PITRM1: variants seen among roughly 807,000 people sequenced by gnomAD.
The protein encoded by PITRM1 is pitrilysin metallopeptidase 1, also known as presequence protease, mitochondrial.
A neutral mutation model predicts 129.9 loss-of-function variants in PITRM1; 100 were observed. That is an observed-to-expected ratio of 0.77 (90% CI 0.65 to 0.91). The LOEUF (loss-of-function observed/expected upper bound fraction) is 0.91. Among genes scored for constraint, PITRM1 ranks in the 40% least tolerant of loss-of-function variants. The pLI is 0.00. For missense variants in PITRM1, 1,471 were observed against 1,318.3 expected (o/e 1.12, Z -1.79); for synonymous variants, 591 against 508.8 (o/e 1.16, Z -2.17).
In PITRM1 at chr10:3,155,481, G is replaced by A. The variant is rs191849458; in HGVS notation, c.1621+110C>T. 1.1e-4 allele frequency: 150 copies of A among 1,362,588 alleles called. 1 individual carries two copies. Among genetic ancestry groups the A allele is most frequent in the African/African-American group, 1.1e-3 (74 of 69,756 alleles). The allele number at this position is 1,362,588 out of a possible 1,614,324, so 84.4% of individuals were successfully genotyped here. On this transcript the variant is annotated intron_variant, in intron 14 of 26. Coordinates refer to ENST00000224949, the MANE Select transcript of PITRM1 (RefSeq NM_014889.4). ...AACGTGAGCTCTGTTGGCGCCCAGC[G>A]GACACCTGTTGGTTGAAATAATACC...
intron 14 of PITRM1, among the ~76,000 whole-genome samples, chr10:3,153,635 A>C (rs1166486800): frequency 3.3e-5 from 5 of 152,070 alleles, no homozygotes; most frequent in Admixed American, 6.5e-5. Flanking sequence ...AAAACCAAAA[A>C]AACAACAAAA....
At chr10:3,145,879 T>G (rs3758630) in intron 20 of PITRM1, 163 bp from the exon 21 acceptor site, 415,600 of 620,356 alleles carry the variant, frequency 0.67, 140,214 homozygotes, top group Non-Finnish European at 0.7. Context: ...TCCCTGCTCT[T>G]CAGTGCTTCA....
intron 23 of PITRM1, among the ~76,000 whole-genome samples, chr10:3,142,770 A>C (rs1840385986): frequency 6.6e-6 from 1 of 152,096 alleles, no homozygotes; most frequent in Non-Finnish European, 1.5e-5. Context: ...GAGACAGGGG[A>C]GACAAACTCC....
At chr10:3,154,592 T>C (rs565853122) in intron 14 of PITRM1, among the ~76,000 whole-genome samples, 113 of 152,372 alleles carry the variant, frequency 7.4e-4, no homozygotes, top group African/African-American at 2.5e-3. Context: ...TTATTTCCCA[T>C]GTAATGATTT....
intron 15 of PITRM1, among the ~76,000 whole-genome samples, chr10:3,150,250 G>C (rs983847316): frequency 6.9e-6 from 1 of 143,932 alleles, no homozygotes; most frequent in Non-Finnish European, 1.6e-5. Flanking sequence ...TCCCTACCTA[G>C]CAGAGCACCC....
intron 14 of PITRM1, among the ~76,000 whole-genome samples, chr10:3,152,631 G>A (rs7901552): frequency 0.61 from 93,526 of 152,140 alleles, 29,106 homozygotes; most frequent in Non-Finnish European, 0.67. Context: ...CCAATGGCAC[G>A]GAGCTCAGAC....
chr10:3,158,059 TTCTG>T lies in PITRM1; in HGVS notation c.1227_1230del (p.Asp409GlufsTer6), dbSNP rs749106699. On this transcript the variant is annotated frameshift_variant, in exon 11 of 27. Coordinates refer to ENST00000224949, the MANE Select transcript of PITRM1 (RefSeq NM_014889.4). LOFTEE classifies it high-confidence loss of function. ...ACTCACTCAACTACTTCATCAATCGTTCTGTCTATGAGGCTTCTGACGGTCTCAA... is the reference window on the plus strand; with the variant it reads ...ACTCACTCAACTACTTCATCAATCGTTCTATGAGGCTTCTGACGGTCTCAA... 17 of 1,605,022 alleles carry T rather than the reference TTCTG, an allele frequency of 1.1e-5. No homozygotes were observed. Among genetic ancestry groups the T allele is most frequent in the East Asian group, 4.5e-5 (2 of 44,878 alleles).
In PITRM1 at chr10:3,166,386, G is replaced by A. The variant is rs1842864076; in HGVS notation, c.267-6C>T. 6.7e-7 allele frequency: 1 copy of A among 1,499,272 alleles called. No homozygotes were observed. The highest frequency in any genetic ancestry group is 1.4e-5 in the African/African-American group (1 of 72,706). 92.9% of individuals were successfully genotyped at this position (1,499,272 alleles called of 1,614,324 possible). On this transcript the variant is annotated splice_polypyrimidine_tract_variant and splice_region_variant and intron_variant, in intron 3 of 26. Coordinates refer to ENST00000224949, the MANE Select transcript of PITRM1 (RefSeq NM_014889.4). Reference sequence around the variant, plus strand: ...GAGTAGTACGGAACTGCACGCTAGGGAAGGAGAATGACCAGAACGCAAAAG... The same window carrying A: ...GAGTAGTACGGAACTGCACGCTAGGAAAGGAGAATGACCAGAACGCAAAAG...
In PITRM1 at chr10:3,165,296, T is replaced by A. The variant is rs779987207; in HGVS notation, c.572A>T (p.Asp191Val). 5 of 1,585,640 alleles carry A rather than the reference T, an allele frequency of 3.2e-6. No individual in the cohort carries two copies. In the South Asian group the frequency reaches 5.8e-5, roughly 18 times the overall value. Reference protein sequence around the residue: ...GWRLEHENPSDPQTPLVFKGV... With the variant: ...GWRLEHENPSVPQTPLVFKGV... The stretch of plus-strand genomic sequence containing the variant: ...TTTAAAGACCAAGGGCGTCTGGGGG[T>A]CGCTCGGATTCTCATGTTCCAGCCG... Residue 191 changes from aspartate to valine, a missense_variant, in exon 6 of 27, where the codon GAC (aspartate) becomes GTC (valine). By Grantham distance (152) the Asp-to-Val change is radical. Coordinates refer to ENST00000224949, the MANE Select transcript of PITRM1 (RefSeq NM_014889.4).
intron 7 of PITRM1, among the ~76,000 whole-genome samples, chr10:3,162,109 G>A (rs1842490043): frequency 7.0e-6 from 1 of 143,778 alleles, no homozygotes; most frequent in Non-Finnish European, 1.5e-5. Context: ...AGTAAGACAA[G>A]ATCATGCCAC....
chr10:3,148,371 C>A (rs1162427854), intron 16 of PITRM1, 80 bp from the exon 17 acceptor site: 2 of 1,501,410 alleles, frequency 1.3e-6, no homozygotes, highest in Non-Finnish European at 1.8e-6. Flanking sequence ...TCTTGAGTTA[C>A]AAGTTGCTTC....
At chr10:3,143,081 G>T in intron 23 of PITRM1, 2 of 294,118 alleles carry the variant, frequency 6.8e-6, no homozygotes, top group South Asian at 5.9e-5. Context: ...TTTTTACCTA[G>T]AGATGAGGTG....
intron 7 of PITRM1, among the ~76,000 whole-genome samples, chr10:3,161,259 A>C (rs1343495455): frequency 6.6e-6 from 1 of 152,214 alleles, no homozygotes; most frequent in Non-Finnish European, 1.5e-5. Context: ...ATTTGTTAAA[A>C]CACTTTATAA....
chr10:3,149,405 A>T (rs1386130909), intron 16 of PITRM1: 3 of 429,912 alleles, frequency 7.0e-6, no homozygotes, highest in African/African-American at 6.2e-5. Flanking sequence ...GTATCTCCTT[A>T]TATTATACCG....
chr10:3,144,280 T>A lies in PITRM1; in HGVS notation c.2532+12A>T, dbSNP rs368526858. The A allele has an allele frequency of 3.9e-6, 6 of 1,528,238 alleles. No individual in the cohort carries two copies. Among genetic ancestry groups the A allele is most frequent in the Non-Finnish European group, 4.4e-6 (5 of 1,125,142 alleles). The allele number at this position is 1,528,238 out of a possible 1,614,324, so 94.7% of individuals were successfully genotyped here. On this transcript the variant is annotated intron_variant, in intron 22 of 26. Coordinates refer to ENST00000224949, the MANE Select transcript of PITRM1 (RefSeq NM_014889.4). ...CCACCCGCTGGCAACCCGGATGGGC[T>A]GTGGTTCTTACCATGACCAGCTTCC...
intron 7 of PITRM1, 110 bp from the exon 8 acceptor site, chr10:3,160,440 C>A: frequency 1.1e-6 from 1 of 884,462 alleles, no homozygotes. Context: ...CCCAAGGTCT[C>A]GCCTTTCGGT....
At chr10:3,154,485 G>A (rs928830778) in intron 14 of PITRM1, among the ~76,000 whole-genome samples, 1 of 152,138 alleles carries the variant, frequency 6.6e-6, no homozygotes, top group Non-Finnish European at 1.5e-5. Flanking sequence ...TTTTTAAAAT[G>A]TTAGTCATTC....
Position 3,151,352 on chromosome 10 carries a change from G to A in PITRM1, c.1633C>T (p.Arg545Trp), listed in dbSNP as rs200871543. Reference protein sequence around the residue: ...QQIYEKGLELRSQQSKPQDAS... With the variant: ...QQIYEKGLELWSQQSKPQDAS... The stretch of plus-strand genomic sequence containing the variant: ...TCTTGAGGTTTGCTTTGTTGACTCC[G>A]TAATTCTAGACCTAAAAAAGAAACA... Residue 545 changes from arginine (R) to tryptophan (W), a missense_variant, in exon 15 of 27, where the codon CGG becomes TGG. Physicochemically the swap from Arg to Trp is moderately radical, Grantham distance 101. Transcript: ENST00000224949. 6.0e-5 allele frequency: 96 copies of A among 1,597,842 alleles called. No homozygotes were observed. The highest frequency in any genetic ancestry group is 1.7e-4 in the Middle Eastern group (1 of 6,032).
chr10:3,152,783 G>A (rs568066604), intron 14 of PITRM1, among the ~76,000 whole-genome samples: 16 of 152,318 alleles, frequency 1.1e-4, no homozygotes, highest in Admixed American at 5.9e-4. Flanking sequence ...GGTTTCCCCC[G>A]TGGTCCCTGG....
Sources: gnomAD v4.1 joint callset for allele counts (sites outside exome capture counted in the v4.1 genomes callset) on GRCh38, gnomAD v4.1.1 for gene constraint, MANE v1.5 for transcripts, NCBI Gene and HGNC (gene_info 2026-07-23, HGNC 2026-07-21) for gene names.